DDHD2: variants seen among roughly 807,000 people sequenced by gnomAD.
DDHD2 encodes triacylglycerol hydrolase DDHD2.
In DDHD2, 62 loss-of-function variants were observed where a neutral mutation model predicts 91.2. The observed-to-expected ratio is 0.68, with a 90% CI of 0.55 to 0.84. The LOEUF (loss-of-function observed/expected upper bound fraction) is 0.84, where lower values mean the gene tolerates loss of function less well. Ranked by LOEUF, DDHD2 falls within the 40% of genes least tolerant of loss-of-function variation. The probability of loss-of-function intolerance (pLI) is 0.00; values close to 1 mark genes in which losing one functional copy is unlikely to be tolerated. For missense variants in DDHD2, 740 were observed against 846.9 expected (o/e 0.87, Z 1.57); for synonymous variants, 271 against 293.9 (o/e 0.92, Z 0.80).
Position 38,251,974 on chromosome 8 carries a change from C to T in DDHD2, c.1407C>T (p.Phe469=). Reference sequence around the variant, plus strand: ...CAAACATCCCCAAAGAATCTGAGTTCTGCAGTAGCAGTAATACTAGAAATG... The same window carrying T: ...CAAACATCCCCAAAGAATCTGAGTTTTGCAGTAGCAGTAATACTAGAAATG... ...SGANIPKESE[F]CSSSNTRNGD... is the part of the protein sequence containing the mutation. Residue 469 remains phenylalanine, a synonymous_variant, in exon 12 of 18, where the codon TTC becomes TTT. Transcript: ENST00000397166. 1 of 1,614,174 alleles carries T rather than the reference C, an allele frequency of 6.2e-7. No individual in the cohort carries two copies.
chr8:38,249,835 C>T (rs2130835662), intron 11 of DDHD2, 32 bp downstream of exon 11: 1 of 1,433,338 alleles, frequency 7.0e-7, no homozygotes, highest in Non-Finnish European at 9.8e-7. Flanking sequence ...TTGGACTAAA[C>T]AATTCTTTGA....
downstream of DDHD2, chr8:38,263,839 A>G (rs1224165839): frequency 1.0e-6 from 1 of 984,888 alleles, no homozygotes; most frequent in African/African-American, 1.7e-5. Flanking sequence ...CCTTCTAAGA[A>G]TGGCATTTAA....
At position 38,246,279 on chromosome 8, in the gene DDHD2, G is replaced by A. The variant is rs1243425696; in HGVS notation, c.1104G>A (p.Leu368=). Residue 368 remains leucine (L), a synonymous_variant, in exon 9 of 18, where the codon TTG becomes TTA. Coordinates refer to ENST00000397166, the MANE Select transcript of DDHD2 (RefSeq NM_015214.3). ...TCCTAACAAATCAGAAAGATTCTTT[G>A]GGGGATATTGACAGTGAAAAGGTAA... The part of the protein sequence containing the change: ...FDILTNQKDS[L]GDIDSEKDSL... 3 of 1,608,710 alleles carry A rather than the reference G, an allele frequency of 1.9e-6. No individual in the cohort carries two copies. Among genetic ancestry groups the A allele is most frequent in the Non-Finnish European group, 2.6e-6 (3 of 1,176,080 alleles).
At chr8:38,250,800 G>A (rs888630281) in intron 11 of DDHD2, 2 of 151,874 alleles carry the variant, frequency 1.3e-5, no homozygotes, top group Non-Finnish European at 2.9e-5. Context: ...TGTCCCTTAG[G>A]GAAACCCCAT....
intron 7 of DDHD2, among the ~76,000 whole-genome samples, chr8:38,242,729 G>T (rs756126996): frequency 6.6e-6 from 1 of 152,126 alleles, no homozygotes; most frequent in East Asian, 1.9e-4. Flanking sequence ...GTATTTTGTT[G>T]TTCCTTTTGT....
downstream of DDHD2, chr8:38,263,523 A>T: frequency 1.0e-6 from 1 of 985,354 alleles, no homozygotes; most frequent in Non-Finnish European, 1.2e-6. Flanking sequence ...CTTCTTTATT[A>T]TTGTTTTCAC....
intron 1 of DDHD2, chr8:38,269,315 G>A: frequency 9.0e-7 from 1 of 1,107,166 alleles, no homozygotes; most frequent in Non-Finnish European, 1.2e-6. Flanking sequence ...CGGCTCCCCA[G>A]GAAGACGGCC....
At chr8:38,240,254 T>C in intron 5 of DDHD2, 21 bp from the exon 6 acceptor site, 2 of 1,478,232 alleles carry the variant, frequency 1.4e-6, no homozygotes, top group South Asian at 2.3e-5. Context: ...AGAATAATTT[T>C]CTTTTTAATT....
At chr8:38,235,840 C>G (rs1176680864) in intron 3 of DDHD2, among the ~76,000 whole-genome samples, 1 of 149,762 alleles carries the variant, frequency 6.7e-6, no homozygotes, top group East Asian at 2.0e-4. Context: ...GGCAACAAAG[C>G]AAGACCCCAC....
chr8:38,267,717 G>C (rs1045889730), downstream of DDHD2: 3 of 686,634 alleles, frequency 4.4e-6, no homozygotes, highest in African/African-American at 5.4e-5. Flanking sequence ...AAAGAGCCCA[G>C]GTGTCACCTG....
downstream of DDHD2, chr8:38,267,042 A>G (rs1807723778): frequency 7.1e-7 from 1 of 1,416,206 alleles, no homozygotes; most frequent in African/African-American, 1.4e-5. Flanking sequence ...ATAATATAAC[A>G]ATTAAATGTG....
chr8:38,249,615 C>A, intron 10 of DDHD2, 93 bp from the exon 11 acceptor site: 3 of 670,554 alleles, frequency 4.5e-6, no homozygotes, highest in Admixed American at 2.9e-5. Flanking sequence ...GAGAGACAGG[C>A]AGCAACAGAG....
chr8:38,249,588 A>T (rs1156741645), intron 10 of DDHD2, 120 bp from the exon 11 acceptor site: 1 of 485,016 alleles, frequency 2.1e-6, no homozygotes, highest in Non-Finnish European at 3.7e-6. Context: ...AAGTTATTCT[A>T]TGATGTTTTA....
At position 38,252,136 on chromosome 8, in the gene DDHD2, C is replaced by T. The variant is rs1806158099; in HGVS notation, c.1466C>T (p.Ser489Phe). The T allele has an allele frequency of 6.2e-7, 1 of 1,613,484 alleles. No individual in the cohort carries two copies. Residue 489 changes from serine to phenylalanine, a missense_variant, in exon 13 of 18, where the codon TCT (serine) becomes TTT (phenylalanine). By Grantham distance (155) the Ser-to-Phe change is radical. Around this residue, in one of 2 missense-constraint regions of DDHD2, gnomAD observed 693 missense variants for 764.2 expected, o/e 0.91. Transcript: ENST00000397166. Reference sequence around the variant, plus strand: ...CTTTTATTTTCCTCCTTTGAGGTGTCTGTGAAATACCCCCGGCTCATCTAT... The same window carrying T: ...CTTTTATTTTCCTCCTTTGAGGTGTTTGTGAAATACCCCCGGCTCATCTAT... Reference protein sequence around the residue: ...DYLDVGIGQVSVKYPRLIYKP... With the variant: ...DYLDVGIGQVFVKYPRLIYKP...
intron 3 of DDHD2, among the ~76,000 whole-genome samples, chr8:38,235,440 CTCCGGGCCTGG>C (rs1307787496): frequency 6.6e-6 from 1 of 151,886 alleles, no homozygotes; most frequent in Non-Finnish European, 1.5e-5. Context: ...GAAAAAAATA[CTCCGGGCCTGG>C]TGGCTCACGC....
chr8:38,268,188 C>T, intron 1 of DDHD2: 1 of 1,146,102 alleles, frequency 8.7e-7, no homozygotes, highest in Non-Finnish European at 1.2e-6. Flanking sequence ...AGGCACAGGG[C>T]TGCCTGCCGT....
Position 38,242,393 on chromosome 8 carries a change from A to T in DDHD2, c.848+8A>T. ...TTCTACTGGTGTGGATGTGTGAGTA[A>T]TACTTAATACCTTCGAGTTGTTAGC... On this transcript the variant is annotated splice_region_variant and intron_variant, in intron 7 of 17. Transcript: ENST00000397166. The T allele has an allele frequency of 6.2e-7, 1 of 1,606,710 alleles. No individual in the cohort carries two copies. Among genetic ancestry groups the T allele is most frequent in the Non-Finnish European group, 8.5e-7 (1 of 1,178,166 alleles).
rs776818209 is a variant in DDHD2 at position 38,249,818 on chromosome 8, C to T, written c.1344+15C>T. The stretch of plus-strand genomic sequence containing the variant: ...AAAACTCAATGGTATGTGCCTAATA[C>T]AGCTTGTTGGACTAAACAATTCTTT... On this transcript the variant is annotated intron_variant, in intron 11 of 17. Transcript: ENST00000397166. 3.9e-6 allele frequency: 6 copies of T among 1,536,290 alleles called. No homozygotes were observed. Among genetic ancestry groups the T allele is most frequent in the African/African-American group, 2.7e-5 (2 of 73,104 alleles).
downstream of DDHD2, chr8:38,267,368 C>T (rs772090931): frequency 2.7e-5 from 44 of 1,613,392 alleles, no homozygotes; most frequent in Admixed American, 6.7e-5. Context: ...AGGGAAGCAG[C>T]GGTAGAAGAA....
Sources: allele counts gnomAD v4.1 joint callset (sites outside exome capture counted in the v4.1 genomes callset), GRCh38; gene constraint gnomAD v4.1.1; regional missense constraint gnomAD v4.1.1; transcripts MANE v1.5; gene names NCBI Gene and HGNC (gene_info 2026-07-23, HGNC 2026-07-21).